GPHN: variants seen among roughly 807,000 people sequenced by gnomAD.
The protein encoded by GPHN is gephyrin.
Under a neutral mutation model 95.5 loss-of-function variants are expected in GPHN, and 17 were observed. The ratio of observed to expected loss-of-function variants is 0.18; its 90% CI spans 0.12 to 0.27. GPHN has a LOEUF of 0.27. Ranked by LOEUF, GPHN falls within the 10% of genes least tolerant of loss-of-function variation. The pLI is 1.00. For synonymous variants in GPHN, 320 were observed against 322.5 expected, an observed-to-expected ratio of 0.99 and a Z score of 0.08; for missense variants, 660 against 978.1, an observed-to-expected ratio of 0.67 and a Z score of 4.34.
At chr14:67,226,649 CTG>C in the GPHN span, among the ~76,000 whole-genome samples, 23,732 of 152,164 alleles carry the variant, frequency 0.16, 3,489 homozygotes, top group East Asian at 0.42. Flanking sequence ...GCGTGAGCCA[CTG>C]TGCCTGGCTG....
the GPHN span, among the ~76,000 whole-genome samples, chr14:67,545,062 G>A: frequency 6.6e-6 from 1 of 152,174 alleles, no homozygotes; most frequent in African/African-American, 2.4e-5. Context: ...AATAACAATG[G>A]CTTAAACCAG....
chr14:66,569,482 G>C (rs2060591554), intron 1 of GPHN, among the ~76,000 whole-genome samples: 1 of 151,864 alleles, frequency 6.6e-6, no homozygotes, highest in African/African-American at 2.4e-5. Context: ...GGCCAACATG[G>C]TGAAACCCCA....
the GPHN span, among the ~76,000 whole-genome samples, chr14:67,298,811 C>G: frequency 2.4e-3 from 367 of 152,306 alleles, no homozygotes; most frequent in African/African-American, 8.3e-3. Context: ...CTCCCACGGC[C>G]CTTTGCGATG....
chr14:67,279,912 TA>T, the GPHN span: 1 of 189,172 alleles, frequency 5.3e-6, no homozygotes, highest in African/African-American at 2.3e-5. Context: ...AAAATAGTAA[TA>T]AATTTGTAAC....
the GPHN span, chr14:67,657,284 C>T: frequency 1.3e-5 from 2 of 152,132 alleles, no homozygotes; most frequent in African/African-American, 2.4e-5. Flanking sequence ...CTGGAAAAAA[C>T]GTATGTGGTT....
the GPHN span, among the ~76,000 whole-genome samples, chr14:67,418,548 G>C: frequency 2.6e-5 from 4 of 152,174 alleles, no homozygotes; most frequent in Non-Finnish European, 5.9e-5. Flanking sequence ...ATTGCTTGGT[G>C]CCACAAGCCC....
rs556988175 is a variant in GPHN at position 66,711,216 on chromosome 14, A to G, written c.143+30031A>G. On this transcript the variant is annotated intron_variant, in intron 2 of 22. Coordinates refer to ENST00000478722, the MANE Select transcript of GPHN (RefSeq NM_020806.5). ...CCTCCACCCTTACTCCCAAGTCATT[A>G]AAGTCTGTTGTATCATTCTTATGCC... is the stretch of plus-strand genomic sequence containing the variant. 3.3e-5 allele frequency among the ~76,000 whole-genome samples: 5 copies of G among 152,204 alleles called. 1 individual carries two copies. The highest frequency in any genetic ancestry group is 1.2e-4 in the African/African-American group (5 of 41,546).
At chr14:67,359,927 G>C in the GPHN span, 1 of 562,622 alleles carries the variant, frequency 1.8e-6, no homozygotes, top group Non-Finnish European at 3.1e-6. Flanking sequence ...GTCGAGGCGC[G>C]CGCACCGCGG....
chr14:67,722,806 G>T, the GPHN span: 1 of 1,049,612 alleles, frequency 9.5e-7, no homozygotes, highest in South Asian at 1.3e-5. Context: ...GAAGGAGGCT[G>T]ACAGAGGAGA....
At chr14:67,159,709 C>G (rs1199744630) in intron 19 of GPHN, among the ~76,000 whole-genome samples, 1 of 152,154 alleles carries the variant, frequency 6.6e-6, no homozygotes, top group Non-Finnish European at 1.5e-5. Context: ...AACACAGCAA[C>G]TTTCCAAACT....
At chr14:66,929,894 G>A (rs529151271) in intron 8 of GPHN, among the ~76,000 whole-genome samples, 3 of 152,014 alleles carry the variant, frequency 2.0e-5, no homozygotes, top group East Asian at 3.9e-4. Flanking sequence ...TGTATTTTTA[G>A]TAGAGACGGG....
chr14:66,935,460 AATAT>A (rs1206019100), intron 8 of GPHN, among the ~76,000 whole-genome samples: 1 of 149,432 alleles, frequency 6.7e-6, no homozygotes, highest in Admixed American at 6.7e-5. Flanking sequence ...TGTGTGTGTG[AATAT>A]ATATATGTGT....
the GPHN span, among the ~76,000 whole-genome samples, chr14:67,462,183 A>G: frequency 0.16 from 23,844 of 152,102 alleles, 2,442 homozygotes; most frequent in African/African-American, 0.28. Context: ...GAAGGTTAGG[A>G]TGGGGGAGTG....
intron 2 of GPHN, among the ~76,000 whole-genome samples, chr14:66,743,486 TCTTA>T (rs1439309733): frequency 6.6e-6 from 1 of 152,022 alleles, no homozygotes. Context: ...ATATAAAATC[TCTTA>T]CTTTGGGAGG....
intron 3 of GPHN, among the ~76,000 whole-genome samples, chr14:66,781,437 G>GA (rs915374196): frequency 1.3e-5 from 2 of 151,852 alleles, no homozygotes; most frequent in Non-Finnish European, 2.9e-5. Flanking sequence ...GGCTGGTCTC[G>GA]AACCTCCTGA....
At chr14:66,693,003 A>G (rs919987799) in intron 2 of GPHN, among the ~76,000 whole-genome samples, 3 of 152,004 alleles carry the variant, frequency 2.0e-5, no homozygotes, top group Non-Finnish European at 2.9e-5. Flanking sequence ...GATATTTACT[A>G]TGTTAAAGAA....
the GPHN span, chr14:67,579,202 G>A: frequency 9.3e-6 from 15 of 1,611,184 alleles, no homozygotes; most frequent in East Asian, 1.8e-4. Flanking sequence ...ACCGGGGAGC[G>A]GGAAGCCAGG....
chr14:67,374,864 A>T, the GPHN span, among the ~76,000 whole-genome samples: 1 of 152,292 alleles, frequency 6.6e-6, no homozygotes, highest in East Asian at 1.9e-4. Flanking sequence ...TCAGCCCTCC[A>T]AAGTGCTGGG....
the GPHN span, among the ~76,000 whole-genome samples, chr14:67,405,224 C>CAA: frequency 0.011 from 417 of 39,270 alleles, 6 homozygotes; most frequent in African/African-American, 0.028. Context: ...GAGTCCATCT[C>CAA]AAAAAAAAAA....
Sources: allele counts gnomAD v4.1 joint callset (sites outside exome capture counted in the v4.1 genomes callset), GRCh38; gene constraint gnomAD v4.1.1; transcripts MANE v1.5; gene names NCBI Gene and HGNC (gene_info 2026-07-23, HGNC 2026-07-21).